The following GLRX2 variants were observed in gnomAD, a reference collection of about 807,000 sequenced individuals.
GLRX2 encodes glutaredoxin 2.
GLRX2 carries 12 observed loss-of-function variants against 16.4 expected under a neutral mutation model. The observed-to-expected ratio is 0.73, with a 90% CI of 0.47 to 1.19. GLRX2 has a LOEUF of 1.19. Ranked by LOEUF, GLRX2 falls within the 50% of genes most tolerant of loss-of-function variation. The pLI, the probability that GLRX2 is intolerant of heterozygous loss-of-function variation, is 0.00. For synonymous variants in GLRX2, 95 were observed against 76.2 expected (o/e 1.25, Z -1.28); for missense variants, 201 against 201.8 (o/e 1.00, Z 0.02).
chr1:193,105,530 A>C, upstream of GLRX2: 1 of 1,566,690 alleles, frequency 6.4e-7, no homozygotes, highest in South Asian at 1.2e-5. Flanking sequence ...CTCGCAGCTG[A>C]GCGCGTCCTC....
At chr1:193,103,035 A>G (rs895027252) in intron 1 of GLRX2, among the ~76,000 whole-genome samples, 1 of 152,064 alleles carries the variant, frequency 6.6e-6, no homozygotes, top group African/African-American at 2.4e-5. Context: ...GGCTCCAACA[A>G]GAGTGAAACT....
chr1:193,102,513 G>A lies in GLRX2; in HGVS notation c.120-1309C>T, dbSNP rs567933430. On this transcript the variant is annotated intron_variant, in intron 1 of 3. Transcript: ENST00000367439. ...ACTACAGGTATGTACCACCACACCT[G>A]GCTAATTTTTTGTATTTTTAGTAGA... Among the ~76,000 whole-genome samples, 266 of 152,146 alleles carry A rather than the reference G, an allele frequency of 1.7e-3. 1 individual carries two copies. Among genetic ancestry groups the A allele is most frequent in the Non-Finnish European group, 3.1e-3 (208 of 67,982 alleles).
At chr1:193,097,804 C>G (rs1317126744) in intron 2 of GLRX2, 44 bp from the exon 3 acceptor site, 1 of 1,342,500 alleles carries the variant, frequency 7.4e-7, no homozygotes, top group Non-Finnish European at 1.0e-6. Context: ...TAGACATTAC[C>G]ATTTGGAAAT....
chr1:193,103,748 C>G (rs1675125820), intron 1 of GLRX2, among the ~76,000 whole-genome samples: 1 of 152,080 alleles, frequency 6.6e-6, no homozygotes, highest in Non-Finnish European at 1.5e-5. Context: ...ACATTATAAC[C>G]TACCCAATGT....
intron 2 of GLRX2, among the ~76,000 whole-genome samples, chr1:193,100,479 A>C (rs747744789): frequency 2.0e-5 from 3 of 152,228 alleles, no homozygotes; most frequent in Non-Finnish European, 4.4e-5. Flanking sequence ...GCCTCAAAAC[A>C]AAACAAAACA....
intron 1 of GLRX2, among the ~76,000 whole-genome samples, chr1:193,102,933 C>A (rs2103101161): frequency 6.6e-6 from 1 of 152,276 alleles, no homozygotes; most frequent in South Asian, 2.1e-4. Flanking sequence ...ATAAGCTCCC[C>A]ACGCTTTAGT....
chr1:193,105,329 G>T lies in GLRX2; in HGVS notation c.54C>A (p.Ser18Arg). ...CCCTGTCAAGCCAGCCTGCCGAGCC[G>T]CTCCTGCTCCAAACCAGCCGCGTCC... The part of the protein sequence containing the change: ...LAGTRLVWSR[S>R]GSAGWLDRAA... Residue 18 changes from serine (S) to arginine (R), a missense_variant, in exon 1 of 4, where the codon AGC becomes AGA. Transcript: ENST00000367439. The T allele has an allele frequency of 1.3e-6, 2 of 1,545,558 alleles. No individual in the cohort carries two copies. The highest frequency in any genetic ancestry group is 1.2e-5 in the South Asian group (1 of 85,002).
intron 2 of GLRX2, among the ~76,000 whole-genome samples, chr1:193,100,534 G>A (rs1675054620): frequency 6.6e-6 from 1 of 152,144 alleles, no homozygotes; most frequent in African/African-American, 2.4e-5. Context: ...TCAACAGCTA[G>A]GAGTTTAGCC....
chr1:193,103,067 A>G (rs1675111298), intron 1 of GLRX2, among the ~76,000 whole-genome samples: 1 of 152,152 alleles, frequency 6.6e-6, no homozygotes, highest in Non-Finnish European at 1.5e-5. Context: ...AATAATAATA[A>G]TAATGGCTCC....
At chr1:193,101,288 C>A in intron 1 of GLRX2, 84 bp from the exon 2 acceptor site, 1 of 919,422 alleles carries the variant, frequency 1.1e-6, no homozygotes, top group South Asian at 1.5e-5. Context: ...AAATCAATCT[C>A]ATAAACAAAT....
chr1:193,099,694 GA>G (rs1675035073), intron 2 of GLRX2, among the ~76,000 whole-genome samples: 2 of 152,192 alleles, frequency 1.3e-5, no homozygotes, highest in African/African-American at 4.8e-5. Flanking sequence ...CCAAAAACCA[GA>G]AAGTATAAGA....
chr1:193,105,391 C>G lies in GLRX2; in HGVS notation c.-9G>C, dbSNP rs766254093. On this transcript the variant is annotated 5_prime_UTR_variant, in exon 1 of 4. Transcript: ENST00000367439. ...GCGCGGCGCCAAATCATGGTCAGAG[C>G]CCGGATCTGCAGCGAGCTCTACTGC... 8 of 1,535,238 alleles carry G rather than the reference C, an allele frequency of 5.2e-6. No individual in the cohort carries two copies. The highest frequency in any genetic ancestry group is 6.9e-6 in the Non-Finnish European group (8 of 1,151,438).
chr1:193,100,592 G>A (rs928677849), intron 2 of GLRX2, among the ~76,000 whole-genome samples: 7 of 152,210 alleles, frequency 4.6e-5, no homozygotes, highest in Non-Finnish European at 1.0e-4. Flanking sequence ...AGTAGTGAGT[G>A]GTAAGCAAGA....
At chr1:193,105,223 T>C (rs991113263) in intron 1 of GLRX2, 41 bp downstream of exon 1, 8 of 1,529,414 alleles carry the variant, frequency 5.2e-6, no homozygotes, top group Admixed American at 3.8e-5. Flanking sequence ...CCGCAAGGCC[T>C]GCGCACCACG....
At chr1:193,099,772 T>G (rs1675035954) in intron 2 of GLRX2, among the ~76,000 whole-genome samples, 1 of 152,190 alleles carries the variant, frequency 6.6e-6, no homozygotes, top group African/African-American at 2.4e-5. Flanking sequence ...CCCAGCTGTC[T>G]GCAAGTTGGT....
upstream of GLRX2, chr1:193,105,867 C>T (rs1354553732): frequency 8.3e-7 from 1 of 1,204,332 alleles, no homozygotes; most frequent in Non-Finnish European, 1.0e-6. Flanking sequence ...TATAATTAGG[C>T]AATTGGTCGA....
intron 3 of GLRX2, among the ~76,000 whole-genome samples, chr1:193,097,308 A>C (rs35995477): frequency 1.3e-5 from 2 of 152,262 alleles, no homozygotes; most frequent in Non-Finnish European, 2.9e-5. Flanking sequence ...GAATACTTTC[A>C]TCTTGCCAAG....
chr1:193,103,114 G>A (rs550633157), intron 1 of GLRX2, among the ~76,000 whole-genome samples: 12 of 152,006 alleles, frequency 7.9e-5, no homozygotes, highest in African/African-American at 1.2e-4. Flanking sequence ...ATTCAGGTAC[G>A]TCAAAGAGAA....
upstream of GLRX2, chr1:193,105,566 C>T (rs924087981): frequency 4.4e-6 from 7 of 1,605,268 alleles, no homozygotes; most frequent in Non-Finnish European, 5.1e-6. Context: ...CGCTGGATTC[C>T]AGCGAGTGCC....
Sources: gnomAD v4.1 joint callset for allele counts (sites outside exome capture counted in the v4.1 genomes callset) on GRCh38, gnomAD v4.1.1 for gene constraint, MANE v1.5 for transcripts, NCBI Gene and HGNC (gene_info 2026-07-23, HGNC 2026-07-21) for gene names.